Variants in ABHD17B observed in about 807,000 individuals in gnomAD.
ABHD17B encodes the protein abhydrolase domain containing 17B, depalmitoylase.
A neutral mutation model predicts 26.2 loss-of-function variants in ABHD17B; 9 were observed. That is an observed-to-expected ratio of 0.34 (90% CI 0.21 to 0.60). The LOEUF (loss-of-function observed/expected upper bound fraction) is 0.60. Ranked by LOEUF, ABHD17B falls within the 20% of genes least tolerant of loss-of-function variation. The pLI is 0.80. For missense variants in ABHD17B, 224 were observed against 352.1 expected (o/e 0.64, Z 2.91); for synonymous variants, 127 against 122.3 (o/e 1.04, Z -0.25).
chr9:71,880,323 C>A (rs1280410153), intron 1 of ABHD17B, among the ~76,000 whole-genome samples: 1 of 151,988 alleles, frequency 6.6e-6, no homozygotes, highest in African/African-American at 2.4e-5. Flanking sequence ...GTCCACTTCA[C>A]TTTGAACATG....
At chr9:71,909,656 T>C (rs190706775) in intron 1 of ABHD17B, among the ~76,000 whole-genome samples, 44 of 152,312 alleles carry the variant, frequency 2.9e-4, no homozygotes, top group African/African-American at 9.6e-4. Flanking sequence ...CATAAAAAAA[T>C]TCCAAATGAA....
intron 3 of ABHD17B, among the ~76,000 whole-genome samples, chr9:71,867,797 C>T (rs1023064447): frequency 6.6e-6 from 1 of 152,088 alleles, no homozygotes; most frequent in Admixed American, 6.6e-5. Context: ...ACAGAGGTAT[C>T]ATAGAGACAA....
intron 1 of ABHD17B, among the ~76,000 whole-genome samples, chr9:71,909,630 A>G (rs1224254606): frequency 6.6e-6 from 1 of 152,222 alleles, no homozygotes. Flanking sequence ...CAAGATCTCC[A>G]AAGATTTATT....
intron 1 of ABHD17B, among the ~76,000 whole-genome samples, chr9:71,875,801 A>G (rs918742376): frequency 6.6e-6 from 1 of 152,238 alleles, no homozygotes; most frequent in Non-Finnish European, 1.5e-5. Flanking sequence ...AAGTGAATAC[A>G]TACTAATAGC....
At chr9:71,910,010 T>C (rs1254242874) in intron 1 of ABHD17B, among the ~76,000 whole-genome samples, 1 of 151,996 alleles carries the variant, frequency 6.6e-6, no homozygotes, top group Non-Finnish European at 1.5e-5. Context: ...AATTTTCCAA[T>C]TCAAAAACGA....
In ABHD17B at chr9:71,866,157, T is replaced by G; in HGVS notation, c.*630A>C. 1.4e-5 allele frequency: 14 copies of G among 984,864 alleles called. No homozygotes were observed. The highest frequency in any genetic ancestry group is 1.7e-5 in the Non-Finnish European group (14 of 829,026). The allele number at this position is 984,864 out of a possible 1,614,324, so 61.0% of individuals were successfully genotyped here. ...CATGACTTCTCATTTACAAGGTAAC[T>G]CATTGGTAAATTAATAGATGGCATA... On this transcript the variant is annotated 3_prime_UTR_variant, in exon 4 of 4. Transcript: ENST00000333421.
intron 1 of ABHD17B, among the ~76,000 whole-genome samples, chr9:71,903,197 TC>T (rs1031750131): frequency 2.0e-5 from 3 of 152,158 alleles, no homozygotes; most frequent in African/African-American, 4.8e-5. Flanking sequence ...CTTTTTTTTT[TC>T]ACTGATAGAT....
chr9:71,890,752 G>A (rs969269447), intron 1 of ABHD17B, among the ~76,000 whole-genome samples: 1 of 152,074 alleles, frequency 6.6e-6, no homozygotes, highest in Non-Finnish European at 1.5e-5. Flanking sequence ...TTTCAGAAGA[G>A]GCTTTAATTT....
intron 1 of ABHD17B, among the ~76,000 whole-genome samples, chr9:71,896,049 C>G (rs1826941614): frequency 6.6e-6 from 1 of 152,220 alleles, no homozygotes; most frequent in Non-Finnish European, 1.5e-5. Context: ...CAATCTAGAA[C>G]AGCTATAATA....
chr9:71,877,317 T>G (rs983278578), intron 1 of ABHD17B, among the ~76,000 whole-genome samples: 3 of 152,264 alleles, frequency 2.0e-5, no homozygotes, highest in Non-Finnish European at 4.4e-5. Context: ...TTACCTCATA[T>G]ACCATTGACT....
chr9:71,892,026 GT>G (rs1298981971), intron 1 of ABHD17B, among the ~76,000 whole-genome samples: 1 of 152,152 alleles, frequency 6.6e-6, no homozygotes, highest in Non-Finnish European at 1.5e-5. Flanking sequence ...TAAAAAGCTG[GT>G]GACTTTAGGG....
Position 71,866,543 on chromosome 9 carries a change from T to C in ABHD17B, c.*244A>G. 7.6e-7 allele frequency: 1 copy of C among 1,312,004 alleles called. No individual in the cohort carries two copies. Among genetic ancestry groups the C allele is most frequent in the Non-Finnish European group, 9.7e-7 (1 of 1,028,814 alleles). The allele number at this position is 1,312,004 out of a possible 1,614,324, so 81.3% of individuals were successfully genotyped here. ...ATTAAAATCTCATACAGTACTCATC[T>C]TGATGTTAAAAAAAAATTCACAGAA... is the stretch of plus-strand genomic sequence containing the variant. On this transcript the variant is annotated 3_prime_UTR_variant, in exon 4 of 4. Transcript: ENST00000333421.
At chr9:71,887,903 C>A (rs1292545544) in intron 1 of ABHD17B, among the ~76,000 whole-genome samples, 1 of 152,120 alleles carries the variant, frequency 6.6e-6, no homozygotes, top group East Asian at 1.9e-4. Context: ...ACATAAAAGC[C>A]ATTTTATTAA....
chr9:71,907,514 T>C (rs1827320197), intron 1 of ABHD17B, among the ~76,000 whole-genome samples: 1 of 152,116 alleles, frequency 6.6e-6, no homozygotes, highest in Admixed American at 6.6e-5. Flanking sequence ...CCTCGTTTTT[T>C]GTTTTTGTTT....
Position 71,866,624 on chromosome 9 carries a change from C to T in ABHD17B, c.*163G>A. On this transcript the variant is annotated 3_prime_UTR_variant, in exon 4 of 4. Transcript: ENST00000333421. ...GTACTGTTATTTCCAGTTTTTAGTT[C>T]TGGTAATTAAAACCTTCATTAAGTC... is the stretch of plus-strand genomic sequence containing the variant. 1 of 1,437,592 alleles carries T rather than the reference C, an allele frequency of 7.0e-7. No homozygotes were observed. Among genetic ancestry groups the T allele is most frequent in the Non-Finnish European group, 9.1e-7 (1 of 1,101,448 alleles). The allele number at this position is 1,437,592 out of a possible 1,614,324, so 89.1% of individuals were successfully genotyped here. A position where few individuals can be genotyped will look rare whatever the true frequency, so the allele number is the denominator to read the frequency against.
intron 1 of ABHD17B, among the ~76,000 whole-genome samples, chr9:71,889,975 A>G: frequency 6.6e-6 from 1 of 151,990 alleles, no homozygotes; most frequent in East Asian, 1.9e-4. Flanking sequence ...TAAAAGACTG[A>G]GCGGGCTGGG....
chr9:71,887,357 G>C (rs925669190), intron 1 of ABHD17B, among the ~76,000 whole-genome samples: 1 of 152,128 alleles, frequency 6.6e-6, no homozygotes, highest in Non-Finnish European at 1.5e-5. Flanking sequence ...TATAGTAGAA[G>C]ATGAAAATTA....
chr9:71,908,891 A>G (rs993368114), intron 1 of ABHD17B, among the ~76,000 whole-genome samples: 1 of 152,218 alleles, frequency 6.6e-6, no homozygotes, highest in African/African-American at 2.4e-5. Flanking sequence ...TATATTACAG[A>G]TGGAGAAAAC....
intron 1 of ABHD17B, among the ~76,000 whole-genome samples, chr9:71,887,352 T>C (rs1564068259): frequency 6.6e-6 from 1 of 152,118 alleles, no homozygotes; most frequent in African/African-American, 2.4e-5. Flanking sequence ...GACATTATAG[T>C]AGAAGATGAA....
Sources: allele counts gnomAD v4.1 joint callset (sites outside exome capture counted in the v4.1 genomes callset), GRCh38; gene constraint gnomAD v4.1.1; transcripts MANE v1.5; gene names NCBI Gene and HGNC (gene_info 2026-07-23, HGNC 2026-07-21).